ABI3BP: variants seen among roughly 807,000 people sequenced by gnomAD.
ABI3BP encodes target of Nesh-SH3.
A neutral mutation model predicts 268.6 loss-of-function variants in ABI3BP; 216 were observed. That is an observed-to-expected ratio of 0.80 (90% CI 0.72 to 0.90). The LOEUF (loss-of-function observed/expected upper bound fraction) is 0.90, where lower values mean the gene tolerates loss of function less well. Ranked by LOEUF, ABI3BP falls within the 40% of genes least tolerant of loss-of-function variation. The probability of loss-of-function intolerance (pLI) is 0.00; values close to 1 mark genes in which losing one functional copy is unlikely to be tolerated. For synonymous variants in ABI3BP, 730 were observed against 730.0 expected (o/e 1.00, Z 0.00); for missense variants, 2,090 against 2,182.4 (o/e 0.96, Z 0.84).
At chr3:100,883,484 G>C (rs2040424678) in intron 6 of ABI3BP, among the ~76,000 whole-genome samples, 1 of 151,956 alleles carries the variant, frequency 6.6e-6, no homozygotes, top group Non-Finnish European at 1.5e-5. Context: ...AACAAACAAA[G>C]AACTGCAAGA....
chr3:100,843,548 A>C, intron 20 of ABI3BP: 1 of 749,356 alleles, frequency 1.3e-6, no homozygotes, highest in Non-Finnish European at 1.6e-6. Flanking sequence ...TGTGTGAGAG[A>C]GAGAGAGAGA....
intron 51 of ABI3BP, among the ~76,000 whole-genome samples, chr3:100,801,011 A>G (rs1168461884): frequency 6.6e-6 from 1 of 152,022 alleles, no homozygotes; most frequent in Non-Finnish European, 1.5e-5. Flanking sequence ...TCTCCACTGC[A>G]CTGTGTTGGG....
Position 100,862,846 on chromosome 3 carries a change from C to T in ABI3BP, c.1202G>A (p.Gly401Asp), listed in dbSNP as rs910534929. Residue 401 changes from glycine (G) to aspartate (D), a missense_variant, in exon 13 of 68, where the codon GGC (glycine) becomes GAC (aspartate). Gly to Asp is a moderately conservative substitution (Grantham distance 94). Transcript: ENST00000471714. Reference protein sequence around the residue: ...KTPFPFEKPRGTLASSEKPWI... With the variant: ...KTPFPFEKPRDTLASSEKPWI... ...TAAGGTACTCTTATTACCCAATGTG[C>T]CCCTAGGTTTCTCAAAAGGGAAGGG... The T allele has an allele frequency of 2.6e-6, 4 of 1,534,754 alleles. No individual in the cohort carries two copies. In the Admixed American group the frequency reaches 7.8e-5, roughly 30 times the overall value.
At chr3:100,753,539 A>G (rs2095452016) in intron 65 of ABI3BP, among the ~76,000 whole-genome samples, 1 of 152,056 alleles carries the variant, frequency 6.6e-6, no homozygotes, top group Non-Finnish European at 1.5e-5. Context: ...CAATCCTCCC[A>G]CCTCAGCCTC....
intron 11 of ABI3BP, 79 bp downstream of exon 11, chr3:100,864,754 G>C: frequency 9.3e-7 from 1 of 1,072,432 alleles, no homozygotes; most frequent in Non-Finnish European, 1.4e-6. Flanking sequence ...AAGGCACCAG[G>C]TTTCTTTTCT....
chr3:100,840,409 A>G (rs1200461200), intron 22 of ABI3BP, among the ~76,000 whole-genome samples: 1 of 152,212 alleles, frequency 6.6e-6, no homozygotes, highest in African/African-American at 2.4e-5. Context: ...GAAAATCTCA[A>G]AACTTTGTAC....
intron 3 of ABI3BP, among the ~76,000 whole-genome samples, chr3:100,900,854 A>G (rs1442168750): frequency 2.0e-5 from 3 of 152,194 alleles, no homozygotes; most frequent in Non-Finnish European, 4.4e-5. Flanking sequence ...GTAAACAATA[A>G]TTTCTAAGGC....
chr3:100,842,368 C>A (rs73135600), intron 20 of ABI3BP, among the ~76,000 whole-genome samples: 1,837 of 152,284 alleles, frequency 0.012, 18 homozygotes, highest in Non-Finnish European at 0.021. Context: ...TTGTTTCTTG[C>A]AGGACAGCCA....
chr3:100,883,032 G>A (rs1251176302), intron 6 of ABI3BP, among the ~76,000 whole-genome samples: 3 of 152,060 alleles, frequency 2.0e-5, no homozygotes, highest in Non-Finnish European at 4.4e-5. Context: ...GGATTTAAGA[G>A]ACAAAGATGA....
chr3:100,842,374 A>G (rs2098716524), intron 20 of ABI3BP, among the ~76,000 whole-genome samples: 1 of 152,202 alleles, frequency 6.6e-6, no homozygotes, highest in Non-Finnish European at 1.5e-5. Flanking sequence ...CTTGCAGGAC[A>G]GCCAGGTTCA....
intron 61 of ABI3BP, among the ~76,000 whole-genome samples, chr3:100,772,073 A>G (rs938893323): frequency 1.3e-5 from 2 of 152,206 alleles, no homozygotes; most frequent in African/African-American, 4.8e-5. Flanking sequence ...TCTTACTAGA[A>G]AGAATGCAAG....
intron 61 of ABI3BP, among the ~76,000 whole-genome samples, chr3:100,771,791 T>A (rs775444283): frequency 2.0e-5 from 3 of 152,098 alleles, no homozygotes; most frequent in African/African-American, 4.8e-5. Flanking sequence ...CTCATATACA[T>A]GTAATTGGAG....
intron 1 of ABI3BP, among the ~76,000 whole-genome samples, chr3:100,962,812 T>A (rs2079621140): frequency 6.6e-6 from 1 of 152,172 alleles, no homozygotes; most frequent in African/African-American, 2.4e-5. Flanking sequence ...TTTTGGTGAT[T>A]GCATTGATTT....
intron 50 of ABI3BP, 65 bp downstream of exon 50, chr3:100,808,096 C>A: frequency 7.1e-7 from 1 of 1,404,088 alleles, no homozygotes; most frequent in Non-Finnish European, 9.9e-7. Context: ...TATTAATGAA[C>A]AATTTGCTAG....
chr3:100,966,693 T>C (rs927363653), intron 1 of ABI3BP, among the ~76,000 whole-genome samples: 6 of 152,204 alleles, frequency 3.9e-5, no homozygotes, highest in Non-Finnish European at 5.9e-5. Context: ...CATGTAAAGA[T>C]TCAAAATACC....
intron 48 of ABI3BP, among the ~76,000 whole-genome samples, chr3:100,810,909 G>A (rs571048944): frequency 6.6e-6 from 1 of 152,052 alleles, no homozygotes; most frequent in Non-Finnish European, 1.5e-5. Flanking sequence ...ATGGATCATC[G>A]CACCAAAAAA....
intron 63 of ABI3BP, among the ~76,000 whole-genome samples, chr3:100,759,228 C>T (rs1409518954): frequency 1.3e-5 from 2 of 152,034 alleles, no homozygotes; most frequent in Admixed American, 1.3e-4. Context: ...ATTTGATCCC[C>T]ATTCAGGTGA....
chr3:100,764,652 C>T (rs573513143), intron 63 of ABI3BP, among the ~76,000 whole-genome samples: 2 of 152,112 alleles, frequency 1.3e-5, no homozygotes, highest in East Asian at 1.9e-4. Context: ...AAGCAGAAAA[C>T]GGAAAAGCCA....
chr3:100,860,636 C>T (rs1182657569), intron 14 of ABI3BP, among the ~76,000 whole-genome samples: 1 of 152,144 alleles, frequency 6.6e-6, no homozygotes, highest in Non-Finnish European at 1.5e-5. Context: ...TCAACTCGAG[C>T]CTTCATATAT....
Sources: gnomAD v4.1 joint callset for allele counts (sites outside exome capture counted in the v4.1 genomes callset) on GRCh38, gnomAD v4.1.1 for gene constraint, MANE v1.5 for transcripts, NCBI Gene and HGNC (gene_info 2026-07-23, HGNC 2026-07-21) for gene names.